ADAM7: variants seen among roughly 807,000 people sequenced by gnomAD.
The protein encoded by ADAM7 is ADAM metallopeptidase domain 7, also known as disintegrin and metalloproteinase domain-containing protein 7.
Under a neutral mutation model 102.9 loss-of-function variants are expected in ADAM7, and 97 were observed. That is an observed-to-expected ratio of 0.94 (90% confidence interval 0.80 to 1.12). ADAM7 has a LOEUF of 1.12. ADAM7 is among the 50% of genes most tolerant of loss of function. The pLI, the probability that ADAM7 is intolerant of heterozygous loss-of-function variation, is 0.00. For missense variants in ADAM7, 991 were observed against 908.7 expected, an observed-to-expected ratio of 1.09 and a Z score of -1.16; for synonymous variants, 334 against 304.4, an observed-to-expected ratio of 1.10 and a Z score of -1.01.
intron 10 of ADAM7, 127 bp downstream of exon 10, chr8:24,485,488 G>A (rs1436771436): frequency 1.5e-6 from 1 of 689,172 alleles, no homozygotes; most frequent in African/African-American, 1.8e-5. Flanking sequence ...GTCATGAACA[G>A]ACTGTTATGC....
At chr8:24,503,896 G>C (rs1820852213) in intron 20 of ADAM7, among the ~76,000 whole-genome samples, 1 of 151,970 alleles carries the variant, frequency 6.6e-6, no homozygotes, top group Non-Finnish European at 1.5e-5. Context: ...AACAAGGGGA[G>C]GGATAGCATT....
intron 9 of ADAM7, among the ~76,000 whole-genome samples, chr8:24,484,802 CTTTT>C (rs544478529): frequency 5.2e-4 from 48 of 91,934 alleles, no homozygotes; most frequent in African/African-American, 7.7e-4. Flanking sequence ...ATTGCACTGG[CTTTT>C]TTTTTTTTTT....
chr8:24,493,361 TGAG>T (rs1479900563), intron 16 of ADAM7, 132 bp downstream of exon 16: 1 of 787,956 alleles, frequency 1.3e-6, no homozygotes, highest in South Asian at 2.6e-5. Flanking sequence ...ATTTTTTTAA[TGAG>T]GAGCAGAGTA....
chr8:24,487,111 AACC>A, intron 10 of ADAM7, 73 bp from the exon 11 acceptor site: 1 of 1,459,788 alleles, frequency 6.9e-7, no homozygotes, highest in African/African-American at 1.4e-5. Context: ...CAGGTCTTTC[AACC>A]ACTAGTTTGA....
chr8:24,475,871 C>T (rs1178963325), intron 7 of ADAM7: 1 of 453,026 alleles, frequency 2.2e-6, no homozygotes, highest in South Asian at 1.6e-5. Context: ...AAGGAGACAA[C>T]AAAAGTCAGA....
chr8:24,503,036 T>C (rs1820816989), intron 20 of ADAM7, among the ~76,000 whole-genome samples: 1 of 152,062 alleles, frequency 6.6e-6, no homozygotes, highest in South Asian at 2.1e-4. Flanking sequence ...TAGAGGATAA[T>C]GAATCATGAT....
Position 24,491,922 on chromosome 8 carries a change from T to C in ADAM7, c.1376T>C (p.Ile459Thr), listed in dbSNP as rs1446052501. Reference protein sequence around the residue: ...ESCQIKKAGSICRPAKDECDF... With the variant: ...ESCQIKKAGSTCRPAKDECDF... ...CAACAGATAAAAAAAGCAGGGTCCA[T>C]ATGCAGACCGGCGAAAGATGAATGT... The change falls in exon 14 of 22, where the codon ATA (isoleucine) becomes ACA (threonine). Residue 459 changes from isoleucine to threonine, a missense_variant. By Grantham distance (89) the Ile-to-Thr change is moderately conservative (BLOSUM62 -1). Coordinates refer to ENST00000175238, the MANE Select transcript of ADAM7 (RefSeq NM_003817.4). 6.2e-7 allele frequency: 1 copy of C among 1,612,012 alleles called. No individual in the cohort carries two copies. Among genetic ancestry groups the C allele is most frequent in the South Asian group, 1.1e-5 (1 of 90,724 alleles).
chr8:24,501,584 A>C lies in ADAM7; in HGVS notation c.2208+8A>C. ...GAAATTCATTTCCTAAATGTAAGAA[A>C]CTTCCATTTGCAACAGTTAATTTAT... On this transcript the variant is annotated splice_region_variant and intron_variant, in intron 20 of 21. Transcript: ENST00000175238. 1 of 1,566,172 alleles carries C rather than the reference A, an allele frequency of 6.4e-7. No homozygotes were observed. The highest frequency in any genetic ancestry group is 8.6e-7 in the Non-Finnish European group (1 of 1,160,038).
At position 24,500,790 on chromosome 8, in the gene ADAM7, A is replaced by C. The variant is rs372759257; in HGVS notation, c.2003A>C (p.Asn668Thr). 1.9e-6 allele frequency: 3 copies of C among 1,612,052 alleles called. No individual in the cohort carries two copies. In the African/African-American group the frequency reaches 4.0e-5, roughly 22 times the overall value. Residue 668 changes from asparagine (N) to threonine (T), a missense_variant and splice_region_variant, in exon 19 of 22, where the codon AAT becomes ACT. By Grantham distance (65) the Asn-to-Thr change is moderately conservative. Coordinates refer to ENST00000175238, the MANE Select transcript of ADAM7 (RefSeq NM_003817.4). ...VACEETLHVT[N>T]ITILVVVLVL... ...AAGCCCATGTTTCTTCATGTTGCAG[A>C]TATCACCATCTTGGTTGTTGTGCTT... is the stretch of plus-strand genomic sequence containing the variant.
chr8:24,475,697 G>A (rs1446946610), intron 7 of ADAM7, among the ~76,000 whole-genome samples: 1 of 152,114 alleles, frequency 6.6e-6, no homozygotes, highest in African/African-American at 2.4e-5. Context: ...ATACTTGCGG[G>A]ATTCAGGAAA....
At chr8:24,504,507 A>C (rs1820883371) in intron 20 of ADAM7, among the ~76,000 whole-genome samples, 1 of 152,174 alleles carries the variant, frequency 6.6e-6, no homozygotes, top group South Asian at 2.1e-4. Context: ...TAAAATGATG[A>C]AACTGCCCAT....
At chr8:24,507,668 ATTT>A (rs11307556) in intron 21 of ADAM7, 133 bp downstream of exon 21, 1,483 of 539,198 alleles carry the variant, frequency 2.8e-3, no homozygotes, top group South Asian at 5.0e-3. Context: ...GAAGGTTAGA[ATTT>A]TTTTTTTTTT....
intron 3 of ADAM7, among the ~76,000 whole-genome samples, chr8:24,461,384 A>G (rs1819237554): frequency 6.6e-6 from 1 of 152,034 alleles, no homozygotes; most frequent in Non-Finnish European, 1.5e-5. Context: ...TGGTTGTACA[A>G]ATTTCTGTTC....
intron 8 of ADAM7, among the ~76,000 whole-genome samples, chr8:24,478,495 T>C (rs993414032): frequency 7.9e-5 from 12 of 152,316 alleles, no homozygotes; most frequent in Admixed American, 7.8e-4. Flanking sequence ...GCTCCCTTTA[T>C]CTTTGTTCTG....
intron 2 of ADAM7, among the ~76,000 whole-genome samples, chr8:24,444,077 A>G (rs1818467027): frequency 6.6e-6 from 1 of 151,470 alleles, no homozygotes; most frequent in South Asian, 2.1e-4. Flanking sequence ...CAAACAGACA[A>G]AACAAAATTC....
At chr8:24,463,830 G>C in intron 3 of ADAM7, 52 bp from the exon 4 acceptor site, 1 of 1,460,556 alleles carries the variant, frequency 6.8e-7, no homozygotes, top group Non-Finnish European at 9.6e-7. Flanking sequence ...GGTTTTATCT[G>C]TCAGGTTTTT....
chr8:24,486,762 G>A (rs75485326), intron 10 of ADAM7, among the ~76,000 whole-genome samples: 2,276 of 152,046 alleles, frequency 0.015, 60 homozygotes, highest in African/African-American at 0.052. Flanking sequence ...ACTTATGAGG[G>A]CTCTGCCCCC....
intron 3 of ADAM7, among the ~76,000 whole-genome samples, chr8:24,449,075 C>T (rs1818677332): frequency 6.6e-6 from 1 of 152,094 alleles, no homozygotes; most frequent in Non-Finnish European, 1.5e-5. Context: ...GGGTTGGTTC[C>T]AAGTCTTTGC....
chr8:24,456,173 C>T (rs965807067), intron 3 of ADAM7, among the ~76,000 whole-genome samples: 1 of 152,172 alleles, frequency 6.6e-6, no homozygotes, highest in Non-Finnish European at 1.5e-5. Context: ...TTATTCTCTG[C>T]TTCTATGAGT....
Sources: allele counts gnomAD v4.1 joint callset (sites outside exome capture counted in the v4.1 genomes callset), GRCh38; gene constraint gnomAD v4.1.1; transcripts MANE v1.5; gene names NCBI Gene and HGNC (gene_info 2026-07-23, HGNC 2026-07-21).